The following C8orf34 variants were observed in gnomAD, a reference collection of about 807,000 sequenced individuals.
C8orf34 encodes the protein uncharacterized protein C8orf34.
C8orf34 carries 65 observed loss-of-function variants against 68.3 expected under a neutral mutation model. The ratio of observed to expected loss-of-function variants is 0.95; its 90% CI spans 0.78 to 1.17. C8orf34 has a LOEUF of 1.17. Ranked by LOEUF, C8orf34 falls within the 50% of genes most tolerant of loss-of-function variation. The pLI, the probability that C8orf34 is intolerant of heterozygous loss-of-function variation, is 0.00. For missense variants in C8orf34, 664 were observed against 655.4 expected (o/e 1.01, Z -0.14); for synonymous variants, 244 against 241.2 (o/e 1.01, Z -0.11).
At chr8:68,786,914 G>A (rs16935061) in intron 11 of C8orf34, among the ~76,000 whole-genome samples, 7,041 of 152,136 alleles carry the variant, frequency 0.046, 479 homozygotes, top group African/African-American at 0.16. Flanking sequence ...GATAATGAGG[G>A]TCTGCTTTAG....
At chr8:68,455,358 T>C (rs1811502865) in intron 3 of C8orf34, among the ~76,000 whole-genome samples, 1 of 152,198 alleles carries the variant, frequency 6.6e-6, no homozygotes, top group South Asian at 2.1e-4. Flanking sequence ...ATTCTTATTA[T>C]AGTGCCCTCT....
intron 5 of C8orf34, among the ~76,000 whole-genome samples, chr8:68,506,474 C>G (rs1814027950): frequency 6.6e-6 from 1 of 152,222 alleles, no homozygotes. Flanking sequence ...GCTGGGACTA[C>G]AGTCACATGC....
chr8:68,521,024 C>G (rs1024624912), intron 5 of C8orf34, among the ~76,000 whole-genome samples: 1 of 152,134 alleles, frequency 6.6e-6, no homozygotes, highest in Non-Finnish European at 1.5e-5. Context: ...GCATATCAAG[C>G]AGTTCTTTGC....
At chr8:68,526,123 A>G (rs1038567905) in intron 6 of C8orf34, among the ~76,000 whole-genome samples, 6 of 151,682 alleles carry the variant, frequency 4.0e-5, no homozygotes, top group Non-Finnish European at 8.8e-5. Context: ...ATGCCCAGCT[A>G]ATTTCTTTTA....
At chr8:68,556,671 C>T (rs915775880) in intron 7 of C8orf34, among the ~76,000 whole-genome samples, 14 of 152,224 alleles carry the variant, frequency 9.2e-5, no homozygotes, top group African/African-American at 3.4e-4. Context: ...GACCATTACC[C>T]AGGGATCCTC....
At chr8:68,799,180 A>C (rs1259159871) in intron 12 of C8orf34, among the ~76,000 whole-genome samples, 1 of 152,240 alleles carries the variant, frequency 6.6e-6, no homozygotes, top group Admixed American at 6.5e-5. Flanking sequence ...AATCAGAGTT[A>C]TAAAGGAGCG....
At chr8:68,337,807 G>A (rs1414875622) in intron 1 of C8orf34, among the ~76,000 whole-genome samples, 3 of 152,136 alleles carry the variant, frequency 2.0e-5, no homozygotes, top group African/African-American at 7.2e-5. Context: ...TCTGAGTAAA[G>A]ACAATTTGCA....
At chr8:68,675,341 C>CA (rs1405333426) in intron 8 of C8orf34, among the ~76,000 whole-genome samples, 1 of 151,628 alleles carries the variant, frequency 6.6e-6, no homozygotes, top group Non-Finnish European at 1.5e-5. Context: ...GTGAACTGAT[C>CA]AAAAATAATT....
intron 1 of C8orf34, among the ~76,000 whole-genome samples, chr8:68,413,252 C>T (rs1326672677): frequency 6.6e-6 from 1 of 152,198 alleles, no homozygotes; most frequent in Non-Finnish European, 1.5e-5. Flanking sequence ...ACTATTTCTG[C>T]TGTTGCCATT....
chr8:68,474,636 C>T (rs1185479585), intron 4 of C8orf34, among the ~76,000 whole-genome samples: 4 of 152,210 alleles, frequency 2.6e-5, no homozygotes, highest in South Asian at 4.1e-4. Flanking sequence ...CTTGATACAA[C>T]GTCAATATAT....
At chr8:68,698,876 C>T (rs1242969280) in intron 8 of C8orf34, among the ~76,000 whole-genome samples, 1 of 152,000 alleles carries the variant, frequency 6.6e-6, no homozygotes, top group Non-Finnish European at 1.5e-5. Flanking sequence ...AAGAAAAACA[C>T]CAGCATCCCC....
At chr8:68,697,128 A>G (rs1820857796) in intron 8 of C8orf34, among the ~76,000 whole-genome samples, 1 of 151,984 alleles carries the variant, frequency 6.6e-6, no homozygotes, top group Non-Finnish European at 1.5e-5. Flanking sequence ...TAAACAAATG[A>G]CCTAATTTAT....
At chr8:68,360,883 G>A (rs568060248) in intron 1 of C8orf34, among the ~76,000 whole-genome samples, 1 of 150,978 alleles carries the variant, frequency 6.6e-6, no homozygotes, top group East Asian at 2.0e-4. Context: ...CTCCCGAGTA[G>A]CTGGCATTAC....
chr8:68,332,479 G>A (rs1805667352), intron 1 of C8orf34, among the ~76,000 whole-genome samples: 1 of 151,934 alleles, frequency 6.6e-6, no homozygotes, highest in Admixed American at 6.6e-5. Flanking sequence ...ACGTGTCAGT[G>A]TCTGAGAGAG....
At chr8:68,750,083 T>C (rs1021446653) in intron 10 of C8orf34, among the ~76,000 whole-genome samples, 13 of 152,118 alleles carry the variant, frequency 8.5e-5, no homozygotes, top group African/African-American at 2.7e-4. Context: ...TTGTGAAACA[T>C]AGAATTACCA....
intron 7 of C8orf34, among the ~76,000 whole-genome samples, chr8:68,570,193 A>G (rs143427291): frequency 5.2e-4 from 79 of 152,348 alleles, no homozygotes; most frequent in African/African-American, 1.9e-3. Context: ...CAGTGCATAT[A>G]GATCTGAAGC....
At chr8:68,533,251 G>A in intron 7 of C8orf34, 102 bp downstream of exon 7, 1 of 1,436,222 alleles carries the variant, frequency 7.0e-7, no homozygotes, top group Non-Finnish European at 9.1e-7. Context: ...CCTTGTCTTA[G>A]GGAAAAGAAA....
intron 7 of C8orf34, among the ~76,000 whole-genome samples, chr8:68,611,958 T>C (rs1018480662): frequency 6.6e-6 from 1 of 152,146 alleles, no homozygotes; most frequent in African/African-American, 2.4e-5. Flanking sequence ...GTGGCTTTGT[T>C]TTCAAATACC....
At chr8:68,669,958 C>T (rs1000468369) in intron 8 of C8orf34, among the ~76,000 whole-genome samples, 11 of 152,188 alleles carry the variant, frequency 7.2e-5, no homozygotes, top group African/African-American at 2.7e-4. Context: ...GAATAACCTA[C>T]TCACTCAGCA....
Sources: gnomAD v4.1 joint callset for allele counts (sites outside exome capture counted in the v4.1 genomes callset) on GRCh38, gnomAD v4.1.1 for gene constraint, MANE v1.5 for transcripts, NCBI Gene and HGNC (gene_info 2026-07-23, HGNC 2026-07-21) for gene names.